The following DCLK1 variants were observed in gnomAD, a reference collection of about 807,000 sequenced individuals.
DCLK1 encodes doublecortin like kinase 1, also known as serine/threonine-protein kinase DCLK1.
A neutral mutation model predicts 86.2 loss-of-function variants in DCLK1; 16 were observed. That is an observed-to-expected ratio of 0.19 (90% CI 0.13 to 0.28). The LOEUF is 0.28. Ranked by LOEUF, DCLK1 falls within the 10% of genes least tolerant of loss-of-function variation. The probability of loss-of-function intolerance (pLI) is 1.00; values close to 1 mark genes in which losing one functional copy is unlikely to be tolerated. For synonymous variants in DCLK1, 369 were observed against 370.5 expected, an observed-to-expected ratio of 1.00 and a Z score of 0.05; for missense variants, 590 against 940.2, an observed-to-expected ratio of 0.63 and a Z score of 4.87.
intron 3 of DCLK1, among the ~76,000 whole-genome samples, chr13:36,072,514 G>A (rs1408800524): frequency 2.6e-5 from 4 of 152,174 alleles, no homozygotes; most frequent in African/African-American, 9.7e-5. Flanking sequence ...CTTCAGGCCA[G>A]ACTTCTTTCC....
intron 14 of DCLK1, among the ~76,000 whole-genome samples, chr13:35,807,438 G>A (rs1017148439): frequency 1.7e-4 from 26 of 152,180 alleles, no homozygotes; most frequent in Admixed American, 1.0e-3. Context: ...TTAAATCATA[G>A]CTTCCCCATA....
At chr13:35,869,493 G>A (rs1412247312) in intron 5 of DCLK1, among the ~76,000 whole-genome samples, 7 of 152,342 alleles carry the variant, frequency 4.6e-5, no homozygotes, top group Non-Finnish European at 7.4e-5. Flanking sequence ...CAAGGACACT[G>A]ATGGACATTG....
At chr13:36,015,238 G>A (rs1422974629) in intron 3 of DCLK1, among the ~76,000 whole-genome samples, 3 of 152,172 alleles carry the variant, frequency 2.0e-5, no homozygotes, top group East Asian at 1.9e-4. Context: ...GTTTGAACCT[G>A]TGTTTTCTGA....
At chr13:35,900,731 T>G (rs1234531202) in intron 4 of DCLK1, among the ~76,000 whole-genome samples, 1 of 152,240 alleles carries the variant, frequency 6.6e-6, no homozygotes, top group East Asian at 1.9e-4. Flanking sequence ...CAGATGCCAG[T>G]AGCATCACCT....
At chr13:35,873,430 G>C (rs1311652796) in intron 4 of DCLK1, among the ~76,000 whole-genome samples, 1 of 151,754 alleles carries the variant, frequency 6.6e-6, no homozygotes, top group African/African-American at 2.4e-5. Context: ...TGTTGCCCAG[G>C]CTGGAGTGCA....
intron 3 of DCLK1, among the ~76,000 whole-genome samples, chr13:36,098,230 G>T (rs1484510468): frequency 6.6e-6 from 1 of 152,162 alleles, no homozygotes; most frequent in Non-Finnish European, 1.5e-5. Flanking sequence ...TTCCTGGAAT[G>T]CCAATTACTC....
intron 3 of DCLK1, among the ~76,000 whole-genome samples, chr13:36,035,479 A>G (rs1295869675): frequency 6.6e-6 from 1 of 152,130 alleles, no homozygotes; most frequent in East Asian, 1.9e-4. Context: ...TATTGGGGGG[A>G]AAGGGTCCAA....
At chr13:35,954,801 T>G (rs1404177043) in intron 3 of DCLK1, among the ~76,000 whole-genome samples, 1 of 152,086 alleles carries the variant, frequency 6.6e-6, no homozygotes, top group African/African-American at 2.4e-5. Flanking sequence ...CTCAAAGTAC[T>G]CTTTACAAGT....
chr13:35,865,412 A>G (rs1294938673), intron 5 of DCLK1, among the ~76,000 whole-genome samples: 1 of 152,116 alleles, frequency 6.6e-6, no homozygotes, highest in Admixed American at 6.5e-5. Flanking sequence ...TCATTTTCCA[A>G]TTTCTTAGTG....
chr13:35,831,220 A>C (rs534720673), intron 8 of DCLK1, among the ~76,000 whole-genome samples: 12 of 152,320 alleles, frequency 7.9e-5, no homozygotes, highest in Non-Finnish European at 2.9e-5. Flanking sequence ...GAGGACCACC[A>C]AATTAATGTT....
At chr13:36,119,748 G>A (rs542540522) in intron 2 of DCLK1, among the ~76,000 whole-genome samples, 72 of 152,280 alleles carry the variant, frequency 4.7e-4, no homozygotes, top group African/African-American at 1.6e-3. Flanking sequence ...CTGAAGAACC[G>A]TCATAGCTTC....
intron 3 of DCLK1, among the ~76,000 whole-genome samples, chr13:36,093,184 A>C (rs1330146340): frequency 6.6e-6 from 1 of 152,216 alleles, no homozygotes; most frequent in Non-Finnish European, 1.5e-5. Flanking sequence ...AATTGGAGGA[A>C]GGACTGCTCA....
intron 10 of DCLK1, among the ~76,000 whole-genome samples, chr13:35,826,554 A>AGGAGGGAGGGAGGGAGGGAGG (rs1555342394): frequency 1.1e-4 from 3 of 27,852 alleles, no homozygotes; most frequent in African/African-American, 1.3e-4. Flanking sequence ...AAAGAAAGAA[A>AGGAGGGAGGGAGGGAGGGAGG]GAAAGAAACA....
intron 6 of DCLK1, among the ~76,000 whole-genome samples, chr13:35,840,897 T>G (rs1869746779): frequency 6.6e-6 from 1 of 152,236 alleles, no homozygotes; most frequent in Non-Finnish European, 1.5e-5. Flanking sequence ...CAAGGCAGAT[T>G]TATTATGTCA....
At chr13:36,000,296 A>G (rs1880655228) in intron 3 of DCLK1, among the ~76,000 whole-genome samples, 1 of 152,040 alleles carries the variant, frequency 6.6e-6, no homozygotes. Context: ...TAACTTAAGG[A>G]CGGAAACCAA....
chr13:35,787,202 T>C (rs2086639346), intron 16 of DCLK1, among the ~76,000 whole-genome samples: 1 of 151,956 alleles, frequency 6.6e-6, no homozygotes, highest in African/African-American at 2.4e-5. Context: ...AGTCTAACCA[T>C]GAAACAACAT....
chr13:35,892,625 CTCAGAAATGGT>C (rs1351960880), intron 4 of DCLK1, among the ~76,000 whole-genome samples: 5 of 152,152 alleles, frequency 3.3e-5, no homozygotes, highest in African/African-American at 1.2e-4. Flanking sequence ...TTTAGAGGAT[CTCAGAAATGGT>C]CCAGTATATA....
chr13:35,888,905 T>G (rs1873463263), intron 4 of DCLK1, among the ~76,000 whole-genome samples: 2 of 152,256 alleles, frequency 1.3e-5, no homozygotes, highest in South Asian at 4.1e-4. Context: ...TGTATTTCTA[T>G]GACAAACTTG....
Position 36,069,861 on chromosome 13 carries a change from T to G in DCLK1, c.723+42008A>C, listed in dbSNP as rs111692659. Among the ~76,000 whole-genome samples, 1,415 of 152,310 alleles carry G rather than the reference T, an allele frequency of 9.3e-3. 9 individuals carry two copies. The highest frequency in any genetic ancestry group is 0.014 in the Non-Finnish European group (977 of 68,032). On this transcript the variant is annotated intron_variant, in intron 3 of 16. Transcript: ENST00000360631. ...CATTTTAACTGTCAGAACTTGGTGC[T>G]ATACCTTAAAATTAACACTAGAGCA...
Sources: allele counts gnomAD v4.1 joint callset (sites outside exome capture counted in the v4.1 genomes callset), GRCh38; gene constraint gnomAD v4.1.1; transcripts MANE v1.5; gene names NCBI Gene and HGNC (gene_info 2026-07-23, HGNC 2026-07-21).